Variants in TTC7B observed in about 807,000 individuals in gnomAD.
TTC7B encodes the protein tetratricopeptide repeat protein 7B.
In TTC7B, 28 loss-of-function variants were observed where a neutral mutation model predicts 106.8. That is an observed-to-expected ratio of 0.26 (90% CI 0.19 to 0.36). TTC7B has a LOEUF of 0.36. Among genes scored for constraint, TTC7B ranks in the 10% least tolerant of loss-of-function variants. The pLI is 1.00. For synonymous variants in TTC7B, 405 were observed against 430.6 expected, an observed-to-expected ratio of 0.94 and a Z score of 0.74; for missense variants, 862 against 1,076.4, an observed-to-expected ratio of 0.80 and a Z score of 2.79.
intron 5 of TTC7B, among the ~76,000 whole-genome samples, chr14:90,728,975 G>A (rs747264742): frequency 1.3e-5 from 2 of 152,186 alleles, no homozygotes; most frequent in African/African-American, 2.4e-5. Context: ...GACGTGCACC[G>A]TTGCTCAAAT....
At chr14:90,701,284 C>T (rs1188407057) in intron 5 of TTC7B, among the ~76,000 whole-genome samples, 1 of 152,110 alleles carries the variant, frequency 6.6e-6, no homozygotes, top group East Asian at 1.9e-4. Flanking sequence ...GAGGCTTCCT[C>T]GTGACAAAAG....
At chr14:90,688,427 A>G (rs915899790) in intron 7 of TTC7B, among the ~76,000 whole-genome samples, 2 of 152,130 alleles carry the variant, frequency 1.3e-5, no homozygotes, top group African/African-American at 4.8e-5. Flanking sequence ...GATCGAGACC[A>G]TACTGGCCAA....
At chr14:90,546,822 G>A (rs915295288) in intron 19 of TTC7B, among the ~76,000 whole-genome samples, 1 of 152,180 alleles carries the variant, frequency 6.6e-6, no homozygotes, top group East Asian at 1.9e-4. Flanking sequence ...CAAAGAGCTC[G>A]GGGTCCAGTG....
chr14:90,728,537 C>G (rs1274813961), intron 5 of TTC7B, among the ~76,000 whole-genome samples: 1 of 152,036 alleles, frequency 6.6e-6, no homozygotes, highest in Admixed American at 6.5e-5. Flanking sequence ...AGTCAGTAAG[C>G]AATCCATGGC....
chr14:90,624,970 G>A lies in TTC7B; in HGVS notation c.1752-6925C>T, dbSNP rs550693150. Among the ~76,000 whole-genome samples the A allele has an allele frequency of 8.5e-5, 13 of 152,286 alleles. No homozygotes were observed. Among genetic ancestry groups the A allele is most frequent in the South Asian group, 8.3e-4 (4 of 4,824 alleles). ...AAAAGCATGCGGGATCTGCCCAAGC[G>A]GGGCAGCGGCTGAGGGGGCCCTGGA... On this transcript the variant is annotated intron_variant, in intron 15 of 19. Transcript: ENST00000328459. The surrounding 1 kb of genome is among the most constrained non-coding windows in gnomAD (Gnocchi z 4.0).
At position 90,802,069 on chromosome 14, in the gene TTC7B, GA is replaced by G. The variant is rs553963013; in HGVS notation, c.121+14105del. On this transcript the variant is annotated intron_variant, in intron 1 of 19. Coordinates refer to ENST00000328459, the MANE Select transcript of TTC7B (RefSeq NM_001010854.2). The surrounding 1 kb of genome is among the most constrained non-coding windows in gnomAD (Gnocchi z 4.7). ...AGAGCGAAAACTCCATCTCAGGAAGGAAAAAAAAAAAAAAGAAAGAAAGAAA... is the reference window on the plus strand; with the variant it reads ...AGAGCGAAAACTCCATCTCAGGAAGGAAAAAAAAAAAAAGAAAGAAAGAAA... Among the ~76,000 whole-genome samples, 6,330 of 130,280 alleles carry G rather than the reference GA, an allele frequency of 0.049. 160 individuals carry two copies. Among genetic ancestry groups the G allele is most frequent in the Non-Finnish European group, 0.067 (4,028 of 60,562 alleles). 85.5% of individuals were successfully genotyped at this position (130,280 alleles called of 152,430 possible).
At chr14:90,812,637 C>G (rs1302916883) in intron 1 of TTC7B, among the ~76,000 whole-genome samples, 2 of 152,096 alleles carry the variant, frequency 1.3e-5, no homozygotes, top group African/African-American at 4.8e-5. Flanking sequence ...CACCCCCACC[C>G]TTAACTTAGG....
At chr14:90,576,518 C>T (rs1203802150) in intron 19 of TTC7B, among the ~76,000 whole-genome samples, 1 of 152,238 alleles carries the variant, frequency 6.6e-6, no homozygotes, top group African/African-American at 2.4e-5. Flanking sequence ...TTTCCTATTT[C>T]ATGAGCACCT....
At chr14:90,754,600 C>T (rs1890230545) in intron 3 of TTC7B, among the ~76,000 whole-genome samples, 1 of 152,130 alleles carries the variant, frequency 6.6e-6, no homozygotes, top group Non-Finnish European at 1.5e-5. Flanking sequence ...ATATTATTCA[C>T]ATACCATAAA....
At chr14:90,774,081 C>T (rs918744745) in intron 3 of TTC7B, among the ~76,000 whole-genome samples, 4 of 152,228 alleles carry the variant, frequency 2.6e-5, no homozygotes, top group African/African-American at 9.6e-5. Flanking sequence ...CTCTGATCCC[C>T]CTAATGGGAC....
In TTC7B at chr14:90,600,909, T is replaced by C. The variant is rs1347459024; in HGVS notation, c.1967-7283A>G. ...TCCCTGATGCATATTCATGAGGCTGTGTCTTGGGGTGGAAGTGCCTTCTGC... is the reference window on the plus strand; with the variant it reads ...TCCCTGATGCATATTCATGAGGCTGCGTCTTGGGGTGGAAGTGCCTTCTGC... On this transcript the variant is annotated intron_variant, in intron 17 of 19. Transcript: ENST00000328459. The surrounding 1 kb of genome is among the most constrained non-coding windows in gnomAD (Gnocchi z 4.3). Among the ~76,000 whole-genome samples, 4 of 152,194 alleles carry C rather than the reference T, an allele frequency of 2.6e-5. No individual in the cohort carries two copies. Among genetic ancestry groups the C allele is most frequent in the African/African-American group, 4.8e-5 (2 of 41,460 alleles).
At chr14:90,573,698 G>C (rs561643800) in intron 19 of TTC7B, among the ~76,000 whole-genome samples, 6 of 152,024 alleles carry the variant, frequency 3.9e-5, no homozygotes, top group African/African-American at 1.5e-4. Context: ...TCTTCAAAGC[G>C]GCCTCACCCC....
chr14:90,577,161 C>T lies in TTC7B; in HGVS notation c.2310+945G>A, dbSNP rs1389480576. Among the ~76,000 whole-genome samples, 1 of 152,214 alleles carries T rather than the reference C, an allele frequency of 6.6e-6. No homozygotes were observed. The highest frequency in any genetic ancestry group is 1.5e-5 in the Non-Finnish European group (1 of 68,032). On this transcript the variant is annotated intron_variant, in intron 19 of 19. Transcript: ENST00000328459. This position sits in a 1 kb window ranked among gnomAD's most constrained non-coding sequence, Gnocchi z 5.0. Reference sequence around the variant, plus strand: ...TAAAAGGCTCTTCTTTCCTGCGGTTCATGACATCAGCGATGTCTACTGCTA... The same window carrying T: ...TAAAAGGCTCTTCTTTCCTGCGGTTTATGACATCAGCGATGTCTACTGCTA...
At chr14:90,756,874 CACAA>C (rs1890319843) in intron 3 of TTC7B, among the ~76,000 whole-genome samples, 1 of 152,122 alleles carries the variant, frequency 6.6e-6, no homozygotes, top group Non-Finnish European at 1.5e-5. Context: ...AGCCGACTAA[CACAA>C]GCAACATTAA....
chr14:90,754,629 T>A (rs977437660), intron 3 of TTC7B, among the ~76,000 whole-genome samples: 2 of 152,220 alleles, frequency 1.3e-5, no homozygotes, highest in African/African-American at 4.8e-5. Flanking sequence ...ATTAAAAGTG[T>A]ACAGTTCGGT....
In TTC7B at chr14:90,631,175, T is replaced by C. The variant is rs538905203; in HGVS notation, c.1751+12873A>G. 6.6e-5 allele frequency among the ~76,000 whole-genome samples: 10 copies of C among 152,326 alleles called. No individual in the cohort carries two copies. The South Asian group carries it at 2.1e-3, about 32-fold the overall frequency. ...AGGCTGAATAAAATATTCCATTATA[T>C]GTGTAAACCTCATTTTGTTTAACCA... On this transcript the variant is annotated intron_variant, in intron 15 of 19. Coordinates refer to ENST00000328459, the MANE Select transcript of TTC7B (RefSeq NM_001010854.2).
At chr14:90,699,077 G>T (rs1287420037) in intron 5 of TTC7B, 1 of 432,458 alleles carries the variant, frequency 2.3e-6, no homozygotes, top group African/African-American at 2.0e-5. Context: ...CCTGGCGATA[G>T]GTTCCAGTTC....
At chr14:90,784,847 G>A (rs188843162) in intron 2 of TTC7B, among the ~76,000 whole-genome samples, 3 of 152,270 alleles carry the variant, frequency 2.0e-5, no homozygotes, top group East Asian at 1.9e-4. Flanking sequence ...ACCTCCTAGC[G>A]GCCTGGAGCT....
chr14:90,626,827 A>G (rs1884463861), intron 15 of TTC7B, among the ~76,000 whole-genome samples: 1 of 152,114 alleles, frequency 6.6e-6, no homozygotes, highest in Non-Finnish European at 1.5e-5. Context: ...AGAACCAGTG[A>G]CGGGGGGTTT....
Sources: gnomAD v4.1 joint callset for allele counts (sites outside exome capture counted in the v4.1 genomes callset) on GRCh38, gnomAD v4.1.1 for gene constraint, Gnocchi (gnomAD v3.1) non-coding constraint, MANE v1.5 for transcripts, NCBI Gene and HGNC (gene_info 2026-07-23, HGNC 2026-07-21) for gene names.